The following DGCR8 variants were observed in gnomAD, a reference collection of about 807,000 sequenced individuals.
DGCR8 encodes the protein DGCR8 microprocessor complex subunit.
Under a neutral mutation model 78.5 loss-of-function variants are expected in DGCR8, and 14 were observed. The observed-to-expected ratio is 0.18, with a 90% confidence interval of 0.12 to 0.28. The LOEUF (loss-of-function observed/expected upper bound fraction) is 0.28. DGCR8 is among the 10% of genes least tolerant of loss of function. The pLI, the probability that DGCR8 is intolerant of heterozygous loss-of-function variation, is 1.00. For missense variants in DGCR8, 702 were observed against 1,022.5 expected (o/e 0.69, Z 4.28); for synonymous variants, 399 against 402.4 (o/e 0.99, Z 0.10).
Position 20,087,359 on chromosome 22 carries a change from C to A in DGCR8, c.880+38C>A. 1.9e-6 allele frequency: 3 copies of A among 1,562,826 alleles called. No homozygotes were observed. Among genetic ancestry groups the A allele is most frequent in the South Asian group, 2.4e-5 (2 of 84,644 alleles). ...GTCAGAAGCAGTGGGTGTTCCAGGG[C>A]AGTGGAGGGGTGGTTGCTTCCTTAG... On this transcript the variant is annotated intron_variant, in intron 3 of 13. Coordinates refer to ENST00000351989, the MANE Select transcript of DGCR8 (RefSeq NM_022720.7). The surrounding 1 kb of genome is among the most constrained non-coding windows in gnomAD (Gnocchi z 4.1).
intron 11 of DGCR8, 111 bp downstream of exon 11, chr22:20,106,809 C>T: frequency 1.3e-6 from 1 of 778,312 alleles, no homozygotes. Context: ...TCCCTGAGCC[C>T]AGCTGTGTGT....
chr22:20,100,741 C>T, intron 9 of DGCR8: 1 of 985,398 alleles, frequency 1.0e-6, no homozygotes, highest in Non-Finnish European at 1.2e-6. Context: ...TGGAGAAGGA[C>T]ATGGGGGTGG....
In DGCR8 at chr22:20,095,648, A is replaced by G. The variant is rs528247461; in HGVS notation, c.1788+853A>G. Among the ~76,000 whole-genome samples, 65 of 152,320 alleles carry G rather than the reference A, an allele frequency of 4.3e-4. No homozygotes were observed. In the Middle Eastern group the frequency reaches 0.02, roughly 48 times the overall value. On this transcript the variant is annotated intron_variant, in intron 9 of 13. Coordinates refer to ENST00000351989, the MANE Select transcript of DGCR8 (RefSeq NM_022720.7). ...TGGCACCAGAGATCAGTTTCAGGGA[A>G]GACAATTTTTCCACAGACGGTGTTG...
intron 5 of DGCR8, among the ~76,000 whole-genome samples, chr22:20,090,696 C>T (rs1422229621): frequency 6.6e-6 from 1 of 152,204 alleles, no homozygotes; most frequent in Non-Finnish European, 1.5e-5. Context: ...CTCTTCAATC[C>T]TGCAATTGCT....
chr22:20,080,528 A>T, intron 1 of DGCR8, 145 bp downstream of exon 1: 2 of 956,302 alleles, frequency 2.1e-6, no homozygotes, highest in Non-Finnish European at 2.5e-6. Context: ...GTGAGGCAAC[A>T]TGGCCGCGGG....
At chr22:20,103,540 C>T (rs2049730819) in intron 9 of DGCR8, among the ~76,000 whole-genome samples, 1 of 151,912 alleles carries the variant, frequency 6.6e-6, no homozygotes, top group Non-Finnish European at 1.5e-5. Flanking sequence ...AAATGTGTTC[C>T]TGGGATAAGT....
Position 20,089,893 on chromosome 22 carries a change from C to T in DGCR8, c.1023+82C>T. On this transcript the variant is annotated intron_variant, in intron 4 of 13. Coordinates refer to ENST00000351989, the MANE Select transcript of DGCR8 (RefSeq NM_022720.7). The surrounding 1 kb of genome is among the most constrained non-coding windows in gnomAD (Gnocchi z 4.9). ...ACATCCACACACATGGCACCGCAGC[C>T]AAGCAGAGGCCGGTGAAAGGCATCA... 1 of 1,590,580 alleles carries T rather than the reference C, an allele frequency of 6.3e-7. No individual in the cohort carries two copies. The highest frequency in any genetic ancestry group is 8.6e-7 in the Non-Finnish European group (1 of 1,166,100).
chr22:20,089,970 C>G lies in DGCR8; in HGVS notation c.1024-6C>G. On this transcript the variant is annotated splice_polypyrimidine_tract_variant and splice_region_variant and intron_variant, in intron 4 of 13. Coordinates refer to ENST00000351989, the MANE Select transcript of DGCR8 (RefSeq NM_022720.7). This position sits in a 1 kb window ranked among gnomAD's most constrained non-coding sequence, Gnocchi z 4.9. ...GTAATCCATATTGCAATTTCACTAT[C>G]CACAGAAACACGACCCTCCTCTGAG... 1 of 1,602,286 alleles carries G rather than the reference C, an allele frequency of 6.2e-7. No individual in the cohort carries two copies. The highest frequency in any genetic ancestry group is 8.5e-7 in the Non-Finnish European group (1 of 1,172,950).
chr22:20,090,517 G>T (rs1484000162), intron 5 of DGCR8, among the ~76,000 whole-genome samples: 2 of 152,224 alleles, frequency 1.3e-5, no homozygotes, highest in Non-Finnish European at 2.9e-5. Context: ...GCTGGCACTG[G>T]CAGTGGGCCG....
intron 8 of DGCR8, 71 bp from the exon 9 acceptor site, chr22:20,094,642 C>T (rs117376254): frequency 2.2e-6 from 3 of 1,374,542 alleles, no homozygotes; most frequent in African/African-American, 2.8e-5. Context: ...CAGCAGTGCA[C>T]AGTTCACTCT....
rs150831012 is a variant in DGCR8 at position 20,093,637 on chromosome 22, C to T, written c.1705+730C>T. ...CTCCCCCAGTGGTGCTGGCTCTTAC[C>T]GGCACTATTTCCTGAGTCCTCCCAC... On this transcript the variant is annotated intron_variant, in intron 8 of 13. Coordinates refer to ENST00000351989, the MANE Select transcript of DGCR8 (RefSeq NM_022720.7). 2.0e-3 allele frequency among the ~76,000 whole-genome samples: 298 copies of T among 152,322 alleles called. 2 individuals are homozygous for T. The highest frequency in any genetic ancestry group is 6.4e-3 in the African/African-American group (268 of 41,562).
rs1159221629 is a variant in DGCR8, at chr22:20,091,936, C to T, written c.1572C>T (p.Leu524=). ...CILHEYMQRV[L]KVRPVYNFFE... is the part of the protein sequence containing the mutation. ...TGCACGAGTACATGCAGCGTGTCCT[C>T]AAGGTCCGCCCTGTCTATAATTTCT... Residue 524 remains leucine (L), a synonymous_variant, in exon 7 of 14, where the codon CTC becomes CTT. Coordinates refer to ENST00000351989, the MANE Select transcript of DGCR8 (RefSeq NM_022720.7). 6.2e-7 allele frequency: 1 copy of T among 1,614,094 alleles called. No individual in the cohort carries two copies. Among genetic ancestry groups the T allele is most frequent in the Non-Finnish European group, 8.5e-7 (1 of 1,179,994 alleles).
Position 20,085,081 on chromosome 22 carries a change from G to T in DGCR8, c.-277-606G>T. ...CCACCCCTCTCCTCCATCGGGAACA[G>T]AACTATGCTGCCACCTCTGGTGACC... On this transcript the variant is annotated intron_variant, in intron 1 of 13. Transcript: ENST00000351989. The surrounding 1 kb of genome is among the most constrained non-coding windows in gnomAD (Gnocchi z 6.2). The T allele has an allele frequency of 2.1e-6, 2 of 967,728 alleles. No individual in the cohort carries two copies. The highest frequency in any genetic ancestry group is 2.5e-6 in the Non-Finnish European group (2 of 813,984). 59.9% of individuals were successfully genotyped at this position (967,728 alleles called of 1,614,324 possible).
intron 8 of DGCR8, among the ~76,000 whole-genome samples, chr22:20,093,612 C>T (rs2049592345): frequency 6.6e-6 from 1 of 152,202 alleles, no homozygotes; most frequent in Admixed American, 6.5e-5. Context: ...TGTTGGCATC[C>T]TCCCCCAGTG....
chr22:20,083,839 C>G (rs1199257453), intron 1 of DGCR8, among the ~76,000 whole-genome samples: 1 of 152,208 alleles, frequency 6.6e-6, no homozygotes, highest in Non-Finnish European at 1.5e-5. Flanking sequence ...CCTCACCCCA[C>G]TTAGTGTTCC....
At position 20,087,125 on chromosome 22, in the gene DGCR8, G is replaced by A. The variant is rs371081026; in HGVS notation, c.721-37G>A. 38 of 1,576,478 alleles carry A rather than the reference G, an allele frequency of 2.4e-5. 1 individual carries two copies. In the African/African-American group the frequency reaches 2.6e-4, roughly 11 times the overall value. On this transcript the variant is annotated intron_variant, in intron 2 of 13. Transcript: ENST00000351989. This position sits in a 1 kb window ranked among gnomAD's most constrained non-coding sequence, Gnocchi z 4.1. ...GCTCTCCTGTTGCAGGAGCATGAGC[G>A]CCAGGGGCTCTGGTGTCTGAACAGC...
At chr22:20,103,925 T>C (rs1384490200) in intron 9 of DGCR8, among the ~76,000 whole-genome samples, 1 of 152,244 alleles carries the variant, frequency 6.6e-6, no homozygotes, top group Non-Finnish European at 1.5e-5. Context: ...TAGTGGAATG[T>C]AGAGGTGTCG....
chr22:20,109,552 G>A (rs1032822341), intron 13 of DGCR8, among the ~76,000 whole-genome samples: 2 of 152,226 alleles, frequency 1.3e-5, no homozygotes, highest in Admixed American at 6.5e-5. Flanking sequence ...CAGGCCAGCA[G>A]GTCCCTTGCT....
In DGCR8 at chr22:20,091,927, G is replaced by A. The variant is rs1428625315; in HGVS notation, c.1563G>A (p.Gln521=). 5 of 1,614,172 alleles carry A rather than the reference G, an allele frequency of 3.1e-6. No individual in the cohort carries two copies. Among genetic ancestry groups the A allele is most frequent in the South Asian group, 1.1e-5 (1 of 91,082 alleles). The change falls in exon 7 of 14, where the codon CAG becomes CAA. Residue 521 remains glutamine (Q), a synonymous_variant. Coordinates refer to ENST00000351989, the MANE Select transcript of DGCR8 (RefSeq NM_022720.7). The part of the protein sequence containing the change: ...SEVCILHEYM[Q]RVLKVRPVYN... ...TCTGCATCCTGCACGAGTACATGCA[G>A]CGTGTCCTCAAGGTCCGCCCTGTCT...
Sources: gnomAD v4.1 joint callset for allele counts (sites outside exome capture counted in the v4.1 genomes callset) on GRCh38, gnomAD v4.1.1 for gene constraint, Gnocchi (gnomAD v3.1) non-coding constraint, MANE v1.5 for transcripts, NCBI Gene and HGNC (gene_info 2026-07-23, HGNC 2026-07-21) for gene names.